The following DLG1 variants were observed in gnomAD, a reference collection of about 807,000 sequenced individuals.
DLG1 encodes discs large MAGUK scaffold protein 1.
DLG1 carries 42 observed loss-of-function variants against 123.4 expected under a neutral mutation model. The observed-to-expected ratio is 0.34, with a 90% CI of 0.27 to 0.44. The LOEUF (loss-of-function observed/expected upper bound fraction) is 0.44, where lower values mean the gene tolerates loss of function less well. Ranked by LOEUF, DLG1 falls within the 20% of genes least tolerant of loss-of-function variation. The pLI is 1.00. For synonymous variants in DLG1, 317 were observed against 356.2 expected (o/e 0.89, Z 1.24); for missense variants, 942 against 1,082.6 (o/e 0.87, Z 1.82).
At chr3:197,213,585 A>G (rs1732433266) in intron 4 of DLG1, among the ~76,000 whole-genome samples, 1 of 152,246 alleles carries the variant, frequency 6.6e-6, no homozygotes, top group Non-Finnish European at 1.5e-5. Flanking sequence ...TGATTAAACA[A>G]AATAGTACAT....
chr3:197,106,425 AC>A (rs1404984813), intron 13 of DLG1, among the ~76,000 whole-genome samples: 3 of 65,508 alleles, frequency 4.6e-5, no homozygotes, highest in Admixed American at 4.0e-4. Flanking sequence ...AGCCCCCCCC[AC>A]CCCCCTCAAT....
At chr3:197,075,435 CA>C (rs1176604447) in intron 18 of DLG1, among the ~76,000 whole-genome samples, 2 of 149,100 alleles carry the variant, frequency 1.3e-5, no homozygotes, top group Non-Finnish European at 3.0e-5. Context: ...AACACATAAT[CA>C]AAATTATTTT....
intron 4 of DLG1, among the ~76,000 whole-genome samples, chr3:197,269,064 G>C (rs1484922952): frequency 6.6e-6 from 1 of 152,150 alleles, no homozygotes; most frequent in Non-Finnish European, 1.5e-5. Flanking sequence ...GCCTGCCTGA[G>C]GCCGTTTTAC....
intron 4 of DLG1, among the ~76,000 whole-genome samples, chr3:197,244,017 T>C (rs1028672697): frequency 1.3e-5 from 2 of 152,186 alleles, no homozygotes; most frequent in Non-Finnish European, 2.9e-5. Context: ...GAGTATCCAG[T>C]AATAGTCCAC....
intron 4 of DLG1, among the ~76,000 whole-genome samples, chr3:197,202,887 G>A (rs1211099015): frequency 6.6e-6 from 1 of 152,078 alleles, no homozygotes; most frequent in African/African-American, 2.4e-5. Flanking sequence ...AATGCTGTCC[G>A]TGTCAGAGAA....
At chr3:197,182,257 T>G (rs963965102) in intron 5 of DLG1, among the ~76,000 whole-genome samples, 9 of 152,200 alleles carry the variant, frequency 5.9e-5, no homozygotes, top group Non-Finnish European at 1.3e-4. Context: ...ATATATGTAA[T>G]TGCAGTCAAA....
At chr3:197,105,147 T>A in intron 13 of DLG1, 142 bp from the exon 14 acceptor site, 1 of 539,772 alleles carries the variant, frequency 1.9e-6, no homozygotes, top group African/African-American at 2.0e-5. Context: ...TCTGATTGAC[T>A]AAAAATATAT....
At chr3:197,158,559 G>A (rs573710360) in intron 5 of DLG1, among the ~76,000 whole-genome samples, 11 of 150,442 alleles carry the variant, frequency 7.3e-5, no homozygotes, top group Non-Finnish European at 1.6e-4. Flanking sequence ...ACCTGAACCC[G>A]GGAGGTGGAG....
At chr3:197,113,983 TG>T (rs1485674031) in intron 13 of DLG1, among the ~76,000 whole-genome samples, 2 of 152,016 alleles carry the variant, frequency 1.3e-5, no homozygotes, top group Non-Finnish European at 2.9e-5. Context: ...GGCAATGCAC[TG>T]AAGCCCTGTC....
intron 3 of DLG1, among the ~76,000 whole-genome samples, chr3:197,286,348 A>T (rs1771838442): frequency 6.6e-6 from 1 of 152,174 alleles, no homozygotes; most frequent in South Asian, 2.1e-4. Flanking sequence ...CACAGAAAAG[A>T]GGGTGGGGGA....
rs749786841 is a variant in DLG1, at chr3:197,069,248, G to C, written c.2018C>G (p.Ser673Cys). ...ACTACTTTCACTATCGCTGGCATTA[G>C]AAGTTACATGCTCTGAAATTGCAGG... ...ETSDADQHVT[S>C]NASDSESSYR... Residue 673 changes from serine to cysteine, a missense_variant, in exon 19 of 25, where the codon TCT becomes TGT. Transcript: ENST00000667157. The C allele has an allele frequency of 6.3e-7, 1 of 1,587,980 alleles. No individual in the cohort carries two copies. Among genetic ancestry groups the C allele is most frequent in the Admixed American group, 1.8e-5 (1 of 56,994 alleles).
At chr3:197,094,151 C>T (rs1003359383) in intron 14 of DLG1, among the ~76,000 whole-genome samples, 1 of 152,148 alleles carries the variant, frequency 6.6e-6, no homozygotes, top group Non-Finnish European at 1.5e-5. Context: ...CAAACTGGGC[C>T]CTCCAAAGCA....
At chr3:197,104,622 C>A (rs111908826) in intron 14 of DLG1, among the ~76,000 whole-genome samples, 2 of 151,920 alleles carry the variant, frequency 1.3e-5, no homozygotes, top group Non-Finnish European at 2.9e-5. Context: ...GCAGAGGTTG[C>A]GGTGAGCTGA....
chr3:197,156,255 G>C (rs1796366724), intron 5 of DLG1, among the ~76,000 whole-genome samples: 1 of 152,018 alleles, frequency 6.6e-6, no homozygotes, highest in Admixed American at 6.6e-5. Flanking sequence ...GAAGTGTCTA[G>C]GATGTTAAAT....
At chr3:197,278,121 C>T (rs1052648547) in intron 4 of DLG1, among the ~76,000 whole-genome samples, 7 of 150,348 alleles carry the variant, frequency 4.7e-5, no homozygotes, top group Admixed American at 3.3e-4. Flanking sequence ...CCCATCTCTA[C>T]AAAAATACAA....
At chr3:197,152,249 C>G (rs1156620078) in intron 5 of DLG1, among the ~76,000 whole-genome samples, 1 of 152,002 alleles carries the variant, frequency 6.6e-6, no homozygotes, top group African/African-American at 2.4e-5. Context: ...ATAGAGAGAC[C>G]TAGAACCAGG....
chr3:197,093,219 C>A (rs1040281953), intron 14 of DLG1, among the ~76,000 whole-genome samples: 12 of 151,618 alleles, frequency 7.9e-5, no homozygotes, highest in African/African-American at 2.9e-4. Flanking sequence ...AGTGCAGTGG[C>A]GCGATCTTGG....
chr3:197,089,789 T>C (rs961266920), intron 15 of DLG1, among the ~76,000 whole-genome samples: 2 of 152,048 alleles, frequency 1.3e-5, no homozygotes, highest in African/African-American at 2.4e-5. Context: ...TATTTGTATA[T>C]ATAAAATACT....
In DLG1 at chr3:197,294,126, G is replaced by A. The variant is rs535936158; in HGVS notation, c.151+2220C>T. 6.6e-5 allele frequency among the ~76,000 whole-genome samples: 10 copies of A among 152,094 alleles called. No individual in the cohort carries two copies. In the East Asian group the frequency reaches 1.9e-3, roughly 30 times the overall value. On this transcript the variant is annotated intron_variant, in intron 3 of 24. Coordinates refer to ENST00000667157, the MANE Select transcript of DLG1 (RefSeq NM_001366207.1). Reference sequence around the variant, plus strand: ...ATTAAAAGTTATTCAGGAAACACAAGAGAATGTATTTATTCCGTAGTATCA... The same window carrying A: ...ATTAAAAGTTATTCAGGAAACACAAAAGAATGTATTTATTCCGTAGTATCA...
Sources: gnomAD v4.1 joint callset for allele counts (sites outside exome capture counted in the v4.1 genomes callset) on GRCh38, gnomAD v4.1.1 for gene constraint, MANE v1.5 for transcripts, NCBI Gene and HGNC (gene_info 2026-07-23, HGNC 2026-07-21) for gene names.